ADGRL2: variants seen among roughly 807,000 people sequenced by gnomAD.
The protein encoded by ADGRL2 is adhesion G protein-coupled receptor L2.
ADGRL2 carries 44 observed loss-of-function variants against 157.4 expected under a neutral mutation model. The ratio of observed to expected loss-of-function variants is 0.28; its 90% CI spans 0.22 to 0.36. The LOEUF (loss-of-function observed/expected upper bound fraction) is 0.36, where lower values mean the gene tolerates loss of function less well. Among genes scored for constraint, ADGRL2 ranks in the 10% least tolerant of loss-of-function variants. The probability of loss-of-function intolerance (pLI) is 1.00; values close to 1 mark genes in which losing one functional copy is unlikely to be tolerated. For missense variants in ADGRL2, 1,510 were observed against 1,768.9 expected, an observed-to-expected ratio of 0.85 and a Z score of 2.63; for synonymous variants, 585 against 624.7, an observed-to-expected ratio of 0.94 and a Z score of 0.95.
intron 3 of ADGRL2, among the ~76,000 whole-genome samples, chr1:81,645,396 C>CAAAAAAA (rs374061248): frequency 2.1e-5 from 2 of 94,852 alleles, no homozygotes; most frequent in Non-Finnish European, 3.9e-5. Flanking sequence ...GATCCTGTCT[C>CAAAAAAA]AAAAAAAAAA....
intron 2 of ADGRL2, among the ~76,000 whole-genome samples, chr1:81,850,457 A>G (rs1216647984): frequency 6.6e-6 from 1 of 151,944 alleles, no homozygotes; most frequent in African/African-American, 2.4e-5. Context: ...ACTAAGTGAA[A>G]CAAAATCTAA....
At chr1:81,678,528 A>G (rs1026533881) in intron 3 of ADGRL2, among the ~76,000 whole-genome samples, 1 of 152,216 alleles carries the variant, frequency 6.6e-6, no homozygotes, top group African/African-American at 2.4e-5. Flanking sequence ...CTACTTGTTT[A>G]GACATAGCAT....
chr1:81,721,975 C>T, intron 1 of ADGRL2: 1 of 575,604 alleles, frequency 1.7e-6, no homozygotes, highest in Non-Finnish European at 3.3e-6. Context: ...GACACTGATG[C>T]CCTTTAAGAA....
At chr1:81,676,791 A>G (rs962906641) in intron 3 of ADGRL2, among the ~76,000 whole-genome samples, 6 of 150,992 alleles carry the variant, frequency 4.0e-5, no homozygotes, top group African/African-American at 1.5e-4. Context: ...GGTTCACGTC[A>G]TTCTCCTGCC....
chr1:81,702,777 T>C (rs2083614537), intron 1 of ADGRL2, among the ~76,000 whole-genome samples: 1 of 152,224 alleles, frequency 6.6e-6, no homozygotes, highest in Non-Finnish European at 1.5e-5. Flanking sequence ...AAAAACATCT[T>C]AAGGGCTTTT....
chr1:81,347,214 C>A (rs904069842), intron 1 of ADGRL2, among the ~76,000 whole-genome samples: 1 of 151,968 alleles, frequency 6.6e-6, no homozygotes, highest in Admixed American at 6.6e-5. Flanking sequence ...GCCTGTCCAA[C>A]GTGGCAAAAC....
Position 81,425,689 on chromosome 1 carries a change from C to A in ADGRL2, c.-301-19347C>A, listed in dbSNP as rs904214240. On this transcript the variant is annotated intron_variant, in intron 1 of 24. Transcript: ENST00000370721. Reference sequence around the variant, plus strand: ...TGACCTTGGTTAAAAAATATAAATCCTTACTTTTTTGCCGGCTTTTGTCAA... The same window carrying A: ...TGACCTTGGTTAAAAAATATAAATCATTACTTTTTTGCCGGCTTTTGTCAA... Among the ~76,000 whole-genome samples, 4 of 152,224 alleles carry A rather than the reference C, an allele frequency of 2.6e-5. 1 individual carries two copies. The South Asian group carries it at 8.3e-4, about 32-fold the overall frequency.
intron 2 of ADGRL2, among the ~76,000 whole-genome samples, chr1:81,857,137 A>C (rs2093230345): frequency 6.6e-6 from 1 of 152,208 alleles, no homozygotes; most frequent in South Asian, 2.1e-4. Context: ...ATTTTAGCCA[A>C]GGAAACTTAT....
At chr1:81,417,803 G>A (rs546747686) in intron 1 of ADGRL2, among the ~76,000 whole-genome samples, 2 of 152,240 alleles carry the variant, frequency 1.3e-5, no homozygotes, top group Admixed American at 1.3e-4. Flanking sequence ...TTATCATAGT[G>A]TGATCTGGTG....
intron 1 of ADGRL2, among the ~76,000 whole-genome samples, chr1:81,367,298 T>C (rs1378464393): frequency 6.6e-6 from 1 of 152,158 alleles, no homozygotes; most frequent in East Asian, 1.9e-4. Flanking sequence ...CATGGTGCTG[T>C]GCTGCAGGGA....
intron 2 of ADGRL2, chr1:81,503,454 C>A (rs2078899884): frequency 1.2e-6 from 2 of 1,612,142 alleles, no homozygotes; most frequent in South Asian, 2.2e-5. Flanking sequence ...AGCCCTCCAC[C>A]AGCTGGTCCC....
At chr1:81,842,788 T>C (rs1400302329) in intron 2 of ADGRL2, among the ~76,000 whole-genome samples, 1 of 152,210 alleles carries the variant, frequency 6.6e-6, no homozygotes, top group African/African-American at 2.4e-5. Flanking sequence ...TGTTTCAATT[T>C]GTCTCTTTCA....
At chr1:81,408,467 A>C (rs1372092092) in intron 1 of ADGRL2, among the ~76,000 whole-genome samples, 1 of 151,618 alleles carries the variant, frequency 6.6e-6, no homozygotes, top group East Asian at 2.0e-4. Context: ...GTGTATATGC[A>C]TATAAAGTTT....
intron 3 of ADGRL2, among the ~76,000 whole-genome samples, chr1:81,652,885 T>C (rs2082450475): frequency 6.6e-6 from 1 of 152,170 alleles, no homozygotes; most frequent in Non-Finnish European, 1.5e-5. Context: ...GTTTTGAATG[T>C]TTTAAGTCTC....
At chr1:81,352,610 T>C (rs1184359281) in intron 1 of ADGRL2, among the ~76,000 whole-genome samples, 1 of 152,168 alleles carries the variant, frequency 6.6e-6, no homozygotes, top group Non-Finnish European at 1.5e-5. Context: ...GGCGATTAAA[T>C]AAGGATTAGT....
At chr1:81,614,763 G>T (rs985468123) in intron 3 of ADGRL2, among the ~76,000 whole-genome samples, 2 of 151,830 alleles carry the variant, frequency 1.3e-5, no homozygotes, top group African/African-American at 4.8e-5. Flanking sequence ...AGTAGCTCAC[G>T]CTTGTAATCC....
At chr1:81,853,518 A>C in intron 2 of ADGRL2, among the ~76,000 whole-genome samples, 1 of 152,150 alleles carries the variant, frequency 6.6e-6, no homozygotes, top group Non-Finnish European at 1.5e-5. Flanking sequence ...GACGGCAAAA[A>C]AGTGGAGGTT....
intron 2 of ADGRL2, among the ~76,000 whole-genome samples, chr1:81,461,378 A>G (rs2077925400): frequency 6.6e-6 from 1 of 150,912 alleles, no homozygotes; most frequent in African/African-American, 2.4e-5. Context: ...TTGGTCAAGG[A>G]TTTAGAAGAG....
intron 3 of ADGRL2, among the ~76,000 whole-genome samples, chr1:81,627,777 G>T (rs1038065286): frequency 6.6e-6 from 1 of 152,096 alleles, no homozygotes; most frequent in South Asian, 2.1e-4. Flanking sequence ...CAAAGCAGGG[G>T]ACTTTGAGAG....
Sources: allele counts gnomAD v4.1 joint callset (sites outside exome capture counted in the v4.1 genomes callset), GRCh38; gene constraint gnomAD v4.1.1; transcripts MANE v1.5; gene names NCBI Gene and HGNC (gene_info 2026-07-23, HGNC 2026-07-21).